The following MXI1 variants were observed in gnomAD, a reference collection of about 807,000 sequenced individuals.
MXI1 encodes max-interacting protein 1.
Under a neutral mutation model 36.9 loss-of-function variants are expected in MXI1, and 18 were observed. The observed-to-expected ratio is 0.49, with a 90% CI of 0.34 to 0.72. The LOEUF (loss-of-function observed/expected upper bound fraction) is 0.72. MXI1 is among the 30% of genes least tolerant of loss of function. The probability of loss-of-function intolerance (pLI) is 0.01; values close to 1 mark genes in which losing one functional copy is unlikely to be tolerated. For missense variants in MXI1, 304 were observed against 379.1 expected (o/e 0.80, Z 1.64); for synonymous variants, 160 against 146.7 (o/e 1.09, Z -0.65).
chr10:110,254,264 A>T (rs1161942884), intron 3 of MXI1, among the ~76,000 whole-genome samples: 2 of 152,036 alleles, frequency 1.3e-5, no homozygotes, highest in Admixed American at 1.3e-4. Flanking sequence ...TGATCTGTGG[A>T]TCTGTAATCT....
chr10:110,225,887 C>A, intron 1 of MXI1: 1 of 528,384 alleles, frequency 1.9e-6, no homozygotes, highest in Non-Finnish European at 2.4e-6. Flanking sequence ...CGATTCCCGG[C>A]AGCCGCGGGC....
chr10:110,285,819 G>C lies in MXI1; in HGVS notation c.*832G>C, dbSNP rs905040363. On this transcript the variant is annotated 3_prime_UTR_variant, in exon 6 of 6. Transcript: ENST00000332674. ...CTCCATGTGCCTCTTTGTCTGCGTG[G>C]GTCAGAAGAGTTGTGCACGCAGATT... is the stretch of plus-strand genomic sequence containing the variant. 1 of 152,532 alleles carries C rather than the reference G, an allele frequency of 6.6e-6. No homozygotes were observed. The highest frequency in any genetic ancestry group is 2.4e-5 in the African/African-American group (1 of 41,404). The allele number at this position is 152,532 out of a possible 1,614,324, so 9.4% of individuals were successfully genotyped here. A position where few individuals can be genotyped will look rare whatever the true frequency, so the allele number is the denominator to read the frequency against.
At chr10:110,228,408 G>A in intron 2 of MXI1, 87 bp downstream of exon 2, 1 of 1,526,546 alleles carries the variant, frequency 6.6e-7, no homozygotes, top group Non-Finnish European at 9.0e-7. Flanking sequence ...AGCAGCACTT[G>A]ATGGGTTCCT....
chr10:110,222,202 T>C (rs1321494701), intron 1 of MXI1, among the ~76,000 whole-genome samples: 1 of 152,156 alleles, frequency 6.6e-6, no homozygotes, highest in Non-Finnish European at 1.5e-5. Flanking sequence ...ATTTAAGAGC[T>C]TAGAGTTCAC....
chr10:110,210,164 G>A (rs955505066), intron 1 of MXI1: 3 of 808,600 alleles, frequency 3.7e-6, no homozygotes, highest in Non-Finnish European at 4.5e-6. Flanking sequence ...TGCCCCGCGC[G>A]GGGCGGGCCC....
At chr10:110,253,665 T>C (rs1856181254) in intron 3 of MXI1, among the ~76,000 whole-genome samples, 1 of 152,038 alleles carries the variant, frequency 6.6e-6, no homozygotes, top group Admixed American at 6.6e-5. Flanking sequence ...GTTAGGGAAG[T>C]CAAACTTTTA....
At chr10:110,233,757 T>C (rs1486795495) in intron 2 of MXI1, among the ~76,000 whole-genome samples, 3 of 152,166 alleles carry the variant, frequency 2.0e-5, no homozygotes, top group African/African-American at 7.2e-5. Context: ...GAATTACTTA[T>C]ATGCCTTATA....
chr10:110,210,292 C>T, intron 1 of MXI1: 13 of 985,176 alleles, frequency 1.3e-5, no homozygotes, highest in Non-Finnish European at 1.6e-5. Context: ...GGAACCTTAG[C>T]ACCCAAGTCT....
intron 3 of MXI1, among the ~76,000 whole-genome samples, chr10:110,274,969 G>A (rs944962488): frequency 1.3e-5 from 2 of 148,558 alleles, no homozygotes; most frequent in East Asian, 1.9e-4. Flanking sequence ...CTGCCTCCTG[G>A]GTTCAAGCGA....
At chr10:110,249,119 G>T (rs964259762) in intron 3 of MXI1, among the ~76,000 whole-genome samples, 19 of 152,184 alleles carry the variant, frequency 1.2e-4, no homozygotes, top group African/African-American at 4.6e-4. Context: ...AGTTATTCTA[G>T]CTTTGGCATC....
At chr10:110,238,816 C>T (rs899052097) in intron 2 of MXI1, among the ~76,000 whole-genome samples, 2 of 152,036 alleles carry the variant, frequency 1.3e-5, no homozygotes, top group Non-Finnish European at 2.9e-5. Context: ...GAAATTTGTT[C>T]ATATCATCTA....
At chr10:110,250,462 A>G (rs34149028) in intron 3 of MXI1, among the ~76,000 whole-genome samples, 2,562 of 152,272 alleles carry the variant, frequency 0.017, 30 homozygotes, top group Non-Finnish European at 0.025. Flanking sequence ...ACAATTCAGT[A>G]TCAGTACAGA....
intron 2 of MXI1, among the ~76,000 whole-genome samples, chr10:110,233,531 A>G (rs1254710503): frequency 6.6e-6 from 1 of 151,922 alleles, no homozygotes; most frequent in Admixed American, 6.6e-5. Flanking sequence ...TGTTTTTCAA[A>G]TTTTTTTATA....
In MXI1 at chr10:110,244,804, CTT is replaced by C. The variant is rs199913141; in HGVS notation, c.408-11_408-10del. ...CTTTAGCAACAAAGCATGGCTAATG[CTT>C]TTTTTTTTTTTTGTCTTTTAGATCT... is the stretch of plus-strand genomic sequence containing the variant. On this transcript the variant is annotated intron_variant, in intron 2 of 5. Coordinates refer to ENST00000332674, the MANE Select transcript of MXI1 (RefSeq NM_130439.3). The C allele has an allele frequency of 0.017, 22,443 of 1,297,146 alleles. No individual in the cohort carries two copies. Among genetic ancestry groups the C allele is most frequent in the East Asian group, 0.045 (1,697 of 37,548 alleles). The allele number at this position is 1,297,146 out of a possible 1,614,324, so 80.4% of individuals were successfully genotyped here. A position where few individuals can be genotyped will look rare whatever the true frequency, so the allele number is the denominator to read the frequency against.
Position 110,228,236 on chromosome 10 carries a change from C to G in MXI1, c.322C>G (p.Arg108Gly). The change falls in exon 2 of 6, where the codon CGA (arginine) becomes GGA (glycine). Residue 108 changes from arginine to glycine, a missense_variant. Arg to Gly is a moderately radical substitution (Grantham distance 125). Transcript: ENST00000332674. ...TTCATTCCCGTCCATGCCGAGCCCC[C>G]GACTGCAGCATTCAAAGCCCCCACG... is the stretch of plus-strand genomic sequence containing the variant. ...ASSFPSMPSP[R>G]LQHSKPPRRL... The G allele has an allele frequency of 6.2e-7, 1 of 1,614,104 alleles. No individual in the cohort carries two copies.
chr10:110,264,885 T>TTTTTAAACA (rs1856635465), intron 3 of MXI1, among the ~76,000 whole-genome samples: 1 of 152,218 alleles, frequency 6.6e-6, no homozygotes, highest in Admixed American at 6.5e-5. Flanking sequence ...AAAAAATTGA[T>TTTTTAAACA]TTTTAAACAT....
intron 2 of MXI1, among the ~76,000 whole-genome samples, chr10:110,230,872 T>C (rs1261947975): frequency 1.3e-5 from 2 of 152,236 alleles, no homozygotes; most frequent in East Asian, 3.8e-4. Context: ...ATGGACTTCA[T>C]AAGTATATAT....
In MXI1 at chr10:110,226,317, GCTA is replaced by G. The variant is rs1854965924; in HGVS notation, c.275-1868_275-1866del. 5 of 1,467,434 alleles carry G rather than the reference GCTA, an allele frequency of 3.4e-6. No homozygotes were observed. In the South Asian group the frequency reaches 3.9e-5, roughly 11 times the overall value. The allele number at this position is 1,467,434 out of a possible 1,614,324, so 90.9% of individuals were successfully genotyped here. A position where few individuals can be genotyped will look rare whatever the true frequency, so the allele number is the denominator to read the frequency against. The stretch of plus-strand genomic sequence containing the variant: ...TGGGCGCCGCTGCGTGAGCCCGAGC[GCTA>G]CTAATCTTTTTCGGCAGTGCGGTGC... On this transcript the variant is annotated intron_variant, in intron 1 of 5. Transcript: ENST00000332674.
Position 110,228,341 on chromosome 10 carries a change from T to G in MXI1, c.407+20T>G. 1 of 1,613,920 alleles carries G rather than the reference T, an allele frequency of 6.2e-7. No individual in the cohort carries two copies. The highest frequency in any genetic ancestry group is 8.5e-7 in the Non-Finnish European group (1 of 1,179,964). ...CAACAGGTAGCAAGCTGGGAACGCT[T>G]AGAAGAGGGAACTGGAGGGAAGGAG... On this transcript the variant is annotated intron_variant, in intron 2 of 5. Transcript: ENST00000332674.
Sources: gnomAD v4.1 joint callset for allele counts (sites outside exome capture counted in the v4.1 genomes callset) on GRCh38, gnomAD v4.1.1 for gene constraint, MANE v1.5 for transcripts, NCBI Gene and HGNC (gene_info 2026-07-23, HGNC 2026-07-21) for gene names.